The following NRG1 variants were observed in gnomAD, a reference collection of about 807,000 sequenced individuals.
NRG1 encodes the protein pro-neuregulin-1, membrane-bound isoform.
Under a neutral mutation model 63.8 loss-of-function variants are expected in NRG1, and 18 were observed. That is an observed-to-expected ratio of 0.28 (90% CI 0.19 to 0.42). The LOEUF (loss-of-function observed/expected upper bound fraction) is 0.42. Ranked by LOEUF, NRG1 falls within the 10% of genes least tolerant of loss-of-function variation. The pLI is 1.00. For synonymous variants in NRG1, 302 were observed against 301.3 expected, an observed-to-expected ratio of 1.00 and a Z score of -0.02; for missense variants, 762 against 814.7, an observed-to-expected ratio of 0.94 and a Z score of 0.79.
chr8:32,126,848 G>T (rs1585487753), intron 1 of NRG1, among the ~76,000 whole-genome samples: 1 of 151,816 alleles, frequency 6.6e-6, no homozygotes, highest in Non-Finnish European at 1.5e-5. Flanking sequence ...AGCTTCCACT[G>T]CTTCTCCTTA....
intron 1 of NRG1, among the ~76,000 whole-genome samples, chr8:32,512,758 G>C (rs910604765): frequency 2.0e-5 from 3 of 152,156 alleles, no homozygotes; most frequent in Non-Finnish European, 2.9e-5. Flanking sequence ...TACAATGGAT[G>C]CTTTACGTAG....
chr8:32,076,841 G>A (rs1826648308), intron 1 of NRG1, among the ~76,000 whole-genome samples: 2 of 152,098 alleles, frequency 1.3e-5, no homozygotes, highest in Non-Finnish European at 2.9e-5. Flanking sequence ...TTAACACTGG[G>A]CATCATTTGA....
intron 1 of NRG1, among the ~76,000 whole-genome samples, chr8:31,772,716 C>A (rs980238939): frequency 6.6e-6 from 1 of 152,034 alleles, no homozygotes; most frequent in African/African-American, 2.4e-5. Context: ...TCCTTATTAG[C>A]AAAATCAGGT....
intron 1 of NRG1, among the ~76,000 whole-genome samples, chr8:32,469,759 C>T (rs945760115): frequency 1.3e-5 from 2 of 151,922 alleles, no homozygotes; most frequent in Admixed American, 6.6e-5. Flanking sequence ...AGAGGAAGCC[C>T]GAGAATCCTA....
chr8:32,457,899 T>G (rs1429729991), intron 1 of NRG1, among the ~76,000 whole-genome samples: 1 of 150,570 alleles, frequency 6.6e-6, no homozygotes, highest in African/African-American at 2.4e-5. Context: ...GGTTTTGGTC[T>G]TCAGCACGTA....
At chr8:32,133,855 T>C (rs991815414) in intron 1 of NRG1, among the ~76,000 whole-genome samples, 2 of 152,192 alleles carry the variant, frequency 1.3e-5, no homozygotes, top group African/African-American at 4.8e-5. Flanking sequence ...CTTAGGCCTG[T>C]TCATAGATTA....
intron 5 of NRG1, among the ~76,000 whole-genome samples, chr8:32,617,951 G>A (rs934646676): frequency 2.0e-5 from 3 of 152,038 alleles, no homozygotes; most frequent in African/African-American, 7.2e-5. Flanking sequence ...ATGGTGTTTT[G>A]GCTATATTTT....
chr8:31,721,837 G>A (rs1285960577), intron 1 of NRG1, among the ~76,000 whole-genome samples: 1 of 152,012 alleles, frequency 6.6e-6, no homozygotes, highest in Non-Finnish European at 1.5e-5. Flanking sequence ...AATTGTGCTG[G>A]ATTTCTACTC....
intron 1 of NRG1, among the ~76,000 whole-genome samples, chr8:32,217,196 A>T (rs1444811989): frequency 1.5e-5 from 2 of 137,898 alleles, no homozygotes; most frequent in African/African-American, 5.5e-5. Flanking sequence ...CCTGGGTAAG[A>T]GAGTGAGACC....
At chr8:31,846,360 C>T (rs1409001971) in intron 1 of NRG1, among the ~76,000 whole-genome samples, 3 of 152,144 alleles carry the variant, frequency 2.0e-5, no homozygotes. Flanking sequence ...AAAGGCCACA[C>T]GAGGCAGTTT....
At chr8:32,275,510 A>G (rs569944276) in intron 1 of NRG1, among the ~76,000 whole-genome samples, 53 of 152,134 alleles carry the variant, frequency 3.5e-4, no homozygotes, top group Non-Finnish European at 6.5e-4. Flanking sequence ...CAGTGAAAGG[A>G]CATTAAGACG....
intron 1 of NRG1, among the ~76,000 whole-genome samples, chr8:32,003,366 A>G (rs919979661): frequency 3.3e-5 from 5 of 152,058 alleles, no homozygotes; most frequent in African/African-American, 1.2e-4. Context: ...ATTCCATCCA[A>G]CAACAGCAGT....
chr8:32,227,785 G>A (rs2132548288), intron 1 of NRG1, among the ~76,000 whole-genome samples: 1 of 152,242 alleles, frequency 6.6e-6, no homozygotes, highest in East Asian at 1.9e-4. Context: ...TCTTAGGAAT[G>A]TGCTCTAACC....
chr8:32,073,612 T>G (rs931875444), intron 1 of NRG1, among the ~76,000 whole-genome samples: 9 of 152,278 alleles, frequency 5.9e-5, no homozygotes, highest in Admixed American at 5.9e-4. Flanking sequence ...AGAAGGGAAA[T>G]CTAAGAAAAC....
At chr8:32,128,509 C>T (rs1236927708) in intron 1 of NRG1, among the ~76,000 whole-genome samples, 2 of 151,850 alleles carry the variant, frequency 1.3e-5, no homozygotes, top group Non-Finnish European at 2.9e-5. Flanking sequence ...GGTCTACTTT[C>T]CTCTTCAGTT....
intron 1 of NRG1, among the ~76,000 whole-genome samples, chr8:31,788,439 A>G (rs1170145896): frequency 1.3e-5 from 2 of 152,158 alleles, no homozygotes; most frequent in Non-Finnish European, 2.9e-5. Context: ...AAACAAACCT[A>G]TTGTCTTCTT....
At chr8:32,009,804 C>A (rs1042848111) in intron 1 of NRG1, among the ~76,000 whole-genome samples, 1 of 151,956 alleles carries the variant, frequency 6.6e-6, no homozygotes, top group Non-Finnish European at 1.5e-5. Flanking sequence ...CCAATATGCT[C>A]TACCAATGTC....
At chr8:31,871,004 TC>T (rs1829429740) in intron 1 of NRG1, among the ~76,000 whole-genome samples, 1 of 136,654 alleles carries the variant, frequency 7.3e-6, no homozygotes, top group Admixed American at 7.4e-5. Flanking sequence ...ACTTTTATTT[TC>T]CTTTTTTTTT....
At chr8:32,593,146 A>G (rs1424807175) in intron 1 of NRG1, among the ~76,000 whole-genome samples, 1 of 152,196 alleles carries the variant, frequency 6.6e-6, no homozygotes, top group African/African-American at 2.4e-5. Flanking sequence ...CAGGGGCAGC[A>G]GAGACAGAAG....
Sources: gnomAD v4.1 joint callset for allele counts (sites outside exome capture counted in the v4.1 genomes callset) on GRCh38, gnomAD v4.1.1 for gene constraint, MANE v1.5 for transcripts, NCBI Gene and HGNC (gene_info 2026-07-23, HGNC 2026-07-21) for gene names.